DPP3: variants seen among roughly 807,000 people sequenced by gnomAD.
DPP3 encodes DPP III.
Under a neutral mutation model 89.8 loss-of-function variants are expected in DPP3, and 64 were observed. That is an observed-to-expected ratio of 0.71 (90% CI 0.58 to 0.88). The LOEUF (loss-of-function observed/expected upper bound fraction) is 0.88. Ranked by LOEUF, DPP3 falls within the 40% of genes least tolerant of loss-of-function variation. The probability of loss-of-function intolerance (pLI) is 0.00; values close to 1 mark genes in which losing one functional copy is unlikely to be tolerated. For missense variants in DPP3, 835 were observed against 972.5 expected (o/e 0.86, Z 1.88); for synonymous variants, 377 against 404.3 (o/e 0.93, Z 0.81).
At position 66,504,775 on chromosome 11, in the gene DPP3, G is replaced by A; in HGVS notation, c.2041+1G>A. The stretch of plus-strand genomic sequence containing the variant: ...GTTCAGCCCAACACTCGCCTTGAAG[G>A]TAATGAGGTAATGAGGGAGCTCTTG... On this transcript the variant is annotated splice_donor_variant, in intron 17 of 17. Coordinates refer to ENST00000531863, the MANE Select transcript of DPP3 (RefSeq NM_130443.4). LOFTEE classifies it high-confidence loss of function. 6.2e-7 allele frequency: 1 copy of A among 1,606,382 alleles called. No individual in the cohort carries two copies. The highest frequency in any genetic ancestry group is 1.3e-5 in the African/African-American group (1 of 74,606).
At chr11:66,491,848 G>A (rs1043941050) in intron 9 of DPP3, 92 bp downstream of exon 9, 25 of 1,377,820 alleles carry the variant, frequency 1.8e-5, no homozygotes, top group South Asian at 1.3e-4. Flanking sequence ...CCCCACCCCC[G>A]CTCAGCCATA....
intron 6 of DPP3, among the ~76,000 whole-genome samples, chr11:66,489,480 G>A (rs1201668950): frequency 2.0e-5 from 3 of 152,176 alleles, no homozygotes; most frequent in Non-Finnish European, 4.4e-5. Context: ...GGGTTCAGAG[G>A]AACAGGAGTG....
chr11:66,495,525 C>T (rs199836626), intron 14 of DPP3, 36 bp downstream of exon 14: 1 of 1,609,710 alleles, frequency 6.2e-7, no homozygotes, highest in East Asian at 2.2e-5. Context: ...GGCTGTCCCG[C>T]TGCAGTGGCC....
At chr11:66,486,370 A>T (rs1855227090) in intron 3 of DPP3, among the ~76,000 whole-genome samples, 170 bp from the exon 4 acceptor site, 1 of 152,100 alleles carries the variant, frequency 6.6e-6, no homozygotes, top group Non-Finnish European at 1.5e-5. Flanking sequence ...GTGAGCCACC[A>T]CACATGGACG....
At position 66,491,806 on chromosome 11, in the gene DPP3, AG is replaced by A. The variant is rs1252949208; in HGVS notation, c.988+51del. The A allele has an allele frequency of 1.9e-6, 3 of 1,601,364 alleles. No homozygotes were observed. In the South Asian group the frequency reaches 3.3e-5, roughly 18 times the overall value. On this transcript the variant is annotated intron_variant, in intron 9 of 17. Transcript: ENST00000531863. The stretch of plus-strand genomic sequence containing the variant: ...GTCACAGTCCCTTCCCCCACATCCA[AG>A]TCCACGTTTCCAGTGTCCCCTGATG...
At position 66,485,190 on chromosome 11, in the gene DPP3, C is replaced by A. The variant is rs202132055; in HGVS notation, c.288C>A (p.Ala96=). The A allele has an allele frequency of 2.1e-5, 34 of 1,614,080 alleles. No individual in the cohort carries two copies. The highest frequency in any genetic ancestry group is 2.9e-5 in the Non-Finnish European group (34 of 1,180,024). ...CCCCTCAGGCGTTCCTGGTCTATGC[C>A]GCGGGTGTTTACTCCAACATGGGCA... ...EEEYQAFLVY[A]AGVYSNMGNY... Residue 96 remains alanine (A), a synonymous_variant, in exon 3 of 18, where the codon GCC becomes GCA. Transcript: ENST00000531863.
At chr11:66,480,666 G>C (rs965018054) in intron 1 of DPP3, 15 of 525,546 alleles carry the variant, frequency 2.9e-5, no homozygotes, top group Middle Eastern at 4.0e-4. Flanking sequence ...TGTGCTATTG[G>C]GGCGGGGCTT....
chr11:66,482,605 C>T (rs952076108), intron 2 of DPP3, 135 bp downstream of exon 2: 12 of 1,306,178 alleles, frequency 9.2e-6, no homozygotes, highest in Non-Finnish European at 1.2e-5. Flanking sequence ...CTTCCCCTCT[C>T]TGGAGCCTCA....
rs376108148 is a variant in DPP3 at position 66,491,401 on chromosome 11, C to T, written c.798+18C>T. The stretch of plus-strand genomic sequence containing the variant: ...AAGCCAAGGTTGGACTGGCTGGGGG[C>T]TGAGGGGTGCGGGCTGAGGACCCCT... On this transcript the variant is annotated intron_variant, in intron 7 of 17. Coordinates refer to ENST00000531863, the MANE Select transcript of DPP3 (RefSeq NM_130443.4). 7 of 1,611,736 alleles carry T rather than the reference C, an allele frequency of 4.3e-6. No homozygotes were observed. In the African/African-American group the frequency reaches 8.0e-5, roughly 18 times the overall value.
Position 66,497,404 on chromosome 11 carries a change from G to C in DPP3, c.1805G>C (p.Arg602Pro), listed in dbSNP as rs747256486. The C allele has an allele frequency of 1.9e-6, 3 of 1,613,866 alleles. No individual in the cohort carries two copies. The South Asian group carries it at 3.3e-5, about 18-fold the overall frequency. Reference sequence around the variant, plus strand: ...GGCTCCGATGGGCGCCCAGATGCCCGGGTCCGCCTCGACCGCAGCAAGATC... The same window carrying C: ...GGCTCCGATGGGCGCCCAGATGCCCCGGTCCGCCTCGACCGCAGCAAGATC... The part of the protein sequence containing the change: ...TTGSDGRPDA[R>P]VRLDRSKIRS... The change falls in exon 16 of 18, where the codon CGG becomes CCG. Residue 602 changes from arginine (R) to proline (P), a missense_variant. Physicochemically the swap from Arg to Pro is moderately radical, Grantham distance 103. Transcript: ENST00000531863.
chr11:66,504,132 T>C (rs1454828439), intron 16 of DPP3, among the ~76,000 whole-genome samples: 1 of 152,142 alleles, frequency 6.6e-6, no homozygotes, highest in Non-Finnish European at 1.5e-5. Context: ...TTTCTTTCTT[T>C]TCCTTTTTTT....
At chr11:66,500,698 G>A (rs1855654900) in intron 16 of DPP3, among the ~76,000 whole-genome samples, 1 of 152,214 alleles carries the variant, frequency 6.6e-6, no homozygotes, top group African/African-American at 2.4e-5. Flanking sequence ...CACAGAATCA[G>A]TTCTGGAAAA....
chr11:66,490,984 G>A (rs1461249617), intron 6 of DPP3, among the ~76,000 whole-genome samples: 1 of 151,982 alleles, frequency 6.6e-6, no homozygotes, highest in East Asian at 1.9e-4. Flanking sequence ...GGCCAGACTG[G>A]TCACGAACTT....
intron 16 of DPP3, among the ~76,000 whole-genome samples, chr11:66,501,914 T>C (rs1855685792): frequency 6.8e-6 from 1 of 147,506 alleles, no homozygotes; most frequent in Admixed American, 6.8e-5. Context: ...AACTACAATA[T>C]CGGCTGGGCA....
At position 66,495,669 on chromosome 11, in the gene DPP3, C is replaced by T; in HGVS notation, c.1617C>T (p.Ile539=). 1 of 1,614,124 alleles carries T rather than the reference C, an allele frequency of 6.2e-7. No homozygotes were observed. The highest frequency in any genetic ancestry group is 1.1e-5 in the South Asian group (1 of 91,084). Residue 539 remains isoleucine (I), a synonymous_variant, in exon 15 of 18, where the codon ATC becomes ATT. Transcript: ENST00000531863. The part of the protein sequence containing the change: ...GFEGADAEDV[I]YVNWLNMVRA... ...AGGGGGCTGATGCGGAGGACGTGAT[C>T]TACGTGAACTGGCTCAACATGGTTC...
rs200857844 is a variant in DPP3, at chr11:66,482,283, C to T, written c.83C>T (p.Pro28Leu). 15 of 1,614,048 alleles carry T rather than the reference C, an allele frequency of 9.3e-6. No individual in the cohort carries two copies. The highest frequency in any genetic ancestry group is 1.7e-5 in the Admixed American group (1 of 60,008). The change falls in exon 2 of 18, where the codon CCC becomes CTC. Residue 28 changes from proline (P) to leucine (L), a missense_variant. Transcript: ENST00000531863. ...CGTGAGGCCTTCCGCCTGCTGTCAC[C>T]CACAGAGCGCCTCTATGCCTACCAC... The part of the protein sequence containing the change: ...DCREAFRLLS[P>L]TERLYAYHLS...
At position 66,482,266 on chromosome 11, in the gene DPP3, C is replaced by T. The variant is rs1271732186; in HGVS notation, c.66C>T (p.Ala22=). The change falls in exon 2 of 18, where the codon GCC becomes GCT. Residue 22 remains alanine, a synonymous_variant. Transcript: ENST00000531863. The part of the protein sequence containing the change: ...IGVSSLDCRE[A]FRLLSPTERL... ...TGTCTAGCCTGGACTGCCGTGAGGC[C>T]TTCCGCCTGCTGTCACCCACAGAGC... 50 of 1,614,106 alleles carry T rather than the reference C, an allele frequency of 3.1e-5. No individual in the cohort carries two copies. Among genetic ancestry groups the T allele is most frequent in the Non-Finnish European group, 4.2e-5 (50 of 1,180,054 alleles).
At position 66,486,677 on chromosome 11, in the gene DPP3, G is replaced by A. The variant is rs1204360590; in HGVS notation, c.498G>A (p.Glu166=). The change falls in exon 4 of 18, where the codon GAG becomes GAA. Residue 166 remains glutamate (E), a splice_region_variant and synonymous_variant. Transcript: ENST00000531863. ...TTCGACACCTCGGACTGGGGAAGGA[G>A]GTGAGGCCCCTGACTCCCCCGAGGG... is the stretch of plus-strand genomic sequence containing the variant. ...PRLRHLGLGK[E]GITTYFSGNC... is the part of the protein sequence containing the mutation. 1.3e-6 allele frequency: 2 copies of A among 1,515,570 alleles called. No individual in the cohort carries two copies. Among genetic ancestry groups the A allele is most frequent in the Non-Finnish European group, 8.8e-7 (1 of 1,130,552 alleles). 93.9% of individuals were successfully genotyped at this position (1,515,570 alleles called of 1,614,324 possible).
At chr11:66,505,737 A>C (rs140880201) in intron 17 of DPP3, among the ~76,000 whole-genome samples, 1 of 151,382 alleles carries the variant, frequency 6.6e-6, no homozygotes, top group Admixed American at 6.6e-5. Context: ...AGTCCCAGCT[A>C]CTTGAAAGAG....
Sources: gnomAD v4.1 joint callset for allele counts (sites outside exome capture counted in the v4.1 genomes callset) on GRCh38, gnomAD v4.1.1 for gene constraint, MANE v1.5 for transcripts, NCBI Gene and HGNC (gene_info 2026-07-23, HGNC 2026-07-21) for gene names.